Variants in ANOS1 observed in about 807,000 individuals in gnomAD.
ANOS1 encodes anosmin-1.
In ANOS1, 6 loss-of-function variants were observed where a neutral mutation model predicts 59.0. The ratio of observed to expected loss-of-function variants is 0.10; its 90% CI spans 0.06 to 0.20. The LOEUF is 0.20. Ranked by LOEUF, ANOS1 falls within the 10% of genes least tolerant of loss-of-function variation. The probability of loss-of-function intolerance (pLI) is 1.00; values close to 1 mark genes in which losing one functional copy is unlikely to be tolerated. For missense variants in ANOS1, 433 were observed against 542.3 expected (o/e 0.80, Z 2.00); for synonymous variants, 217 against 223.4 (o/e 0.97, Z 0.25).
At chrX:8,691,777 T>A (rs1021584868) in intron 2 of ANOS1, among the ~76,000 whole-genome samples, 1 of 112,322 alleles carries the variant, frequency 8.9e-6, no homozygotes, top group Admixed American at 9.4e-5. Context: ...AGAAAAATAA[T>A]CTTTACTTTT....
chrX:8,692,336 G>A (rs962136596), intron 2 of ANOS1, among the ~76,000 whole-genome samples: 14 of 111,628 alleles, frequency 1.3e-4, no homozygotes, highest in African/African-American at 4.6e-4. Flanking sequence ...AGTTGCAACA[G>A]ATACTTTATG....
chrX:8,621,140 C>A (rs1199558409), intron 3 of ANOS1, among the ~76,000 whole-genome samples: 1 of 110,797 alleles, frequency 9.0e-6, no homozygotes, highest in Non-Finnish European at 1.9e-5. Flanking sequence ...CCAAGGCAGG[C>A]GGATCACTTG....
intron 5 of ANOS1, 64 bp from the exon 6 acceptor site, chrX:8,585,460 T>G (rs1361220516): frequency 8.6e-7 from 1 of 1,160,562 alleles, no homozygotes; most frequent in African/African-American, 1.8e-5. Flanking sequence ...GTTAGTTGGA[T>G]CTGTTTAGAA....
intron 2 of ANOS1, among the ~76,000 whole-genome samples, chrX:8,688,069 T>C (rs1442903883): frequency 8.9e-6 from 1 of 111,944 alleles, no homozygotes; most frequent in Admixed American, 9.5e-5. Flanking sequence ...ACGTATAAGG[T>C]GGAGTCAAAA....
At chrX:8,691,800 A>G (rs1932612400) in intron 2 of ANOS1, among the ~76,000 whole-genome samples, 1 of 112,283 alleles carries the variant, frequency 8.9e-6, no homozygotes, top group Non-Finnish European at 1.9e-5. Flanking sequence ...CAATTTTCAA[A>G]TCTTTCACAA....
chrX:8,593,100 AATTC>A (rs1194334353), intron 4 of ANOS1, among the ~76,000 whole-genome samples: 8 of 112,345 alleles, frequency 7.1e-5, no homozygotes, highest in African/African-American at 2.6e-4. Context: ...TTTAAAAATT[AATTC>A]ATTAAGTAAT....
chrX:8,625,190 A>G (rs1931371164), intron 2 of ANOS1, among the ~76,000 whole-genome samples: 1 of 111,520 alleles, frequency 9.0e-6, no homozygotes, highest in South Asian at 3.8e-4. Context: ...GTTAGTAGCC[A>G]GGCCTCATGG....
At chrX:8,597,292 A>G (rs1162507383) in intron 3 of ANOS1, 36 bp from the exon 4 acceptor site, 2 of 1,101,430 alleles carry the variant, frequency 1.8e-6, no homozygotes, top group Admixed American at 4.7e-5. Flanking sequence ...ATATTCCATT[A>G]AAGACACATG....
At chrX:8,594,703 TATATATACAC>T (rs757966645) in intron 4 of ANOS1, among the ~76,000 whole-genome samples, 5,874 of 77,080 alleles carry the variant, frequency 0.076, 342 homozygotes, top group Admixed American at 0.12. Flanking sequence ...TATATACACA[TATATATACAC>T]ATATATATAT....
intron 4 of ANOS1, among the ~76,000 whole-genome samples, chrX:8,596,618 C>A (rs751968114): frequency 1.2e-4 from 13 of 111,832 alleles, no homozygotes; most frequent in Non-Finnish European, 2.3e-4. Flanking sequence ...TGGGTCATAT[C>A]GGCAGAAAAA....
chrX:8,619,331 CAA>C (rs1422766968), intron 3 of ANOS1, among the ~76,000 whole-genome samples: 29 of 110,924 alleles, frequency 2.6e-4, no homozygotes, highest in East Asian at 1.4e-3. Flanking sequence ...ATTGGCCGGG[CAA>C]GGTGGCTCAC....
intron 2 of ANOS1, among the ~76,000 whole-genome samples, chrX:8,637,737 T>C (rs1448997121): frequency 8.9e-6 from 1 of 112,386 alleles, no homozygotes; most frequent in African/African-American, 3.2e-5. Flanking sequence ...GCATTCAACA[T>C]CCATCACACC....
chrX:8,575,274 T>C (rs750047266), intron 6 of ANOS1, among the ~76,000 whole-genome samples: 18 of 112,205 alleles, frequency 1.6e-4, no homozygotes, highest in Non-Finnish European at 3.2e-4. Context: ...TTACCAACCT[T>C]TCTGGGAGGG....
chrX:8,664,133 T>C (rs938815245), intron 2 of ANOS1, among the ~76,000 whole-genome samples: 1 of 111,930 alleles, frequency 8.9e-6, no homozygotes, highest in African/African-American at 3.3e-5. Flanking sequence ...ATGGCACATG[T>C]TTACCTACGT....
chrX:8,664,124 T>C (rs1278542828), intron 2 of ANOS1, among the ~76,000 whole-genome samples: 1 of 112,047 alleles, frequency 8.9e-6, no homozygotes, highest in Non-Finnish European at 1.9e-5. Context: ...CAAACCATCA[T>C]GGCACATGTT....
At chrX:8,650,278 C>T (rs1931830064) in intron 2 of ANOS1, among the ~76,000 whole-genome samples, 1 of 112,419 alleles carries the variant, frequency 8.9e-6, no homozygotes, top group South Asian at 3.7e-4. Context: ...TGAGGAGATC[C>T]TGAAGCCTTC....
chrX:8,675,886 G>A (rs189020141), intron 2 of ANOS1, among the ~76,000 whole-genome samples: 87 of 80,379 alleles, frequency 1.1e-3, no homozygotes, highest in African/African-American at 4.1e-3. Flanking sequence ...AGGCCCCAGT[G>A]TGTGTTATTC....
chrX:8,585,193 C>G, intron 6 of ANOS1, 74 bp downstream of exon 6: 1 of 1,065,254 alleles, frequency 9.4e-7, no homozygotes, highest in Non-Finnish European at 1.3e-6. Context: ...AACATAGAGA[C>G]AGTGAATCTG....
chrX:8,569,522 G>A (rs918373339), intron 7 of ANOS1, among the ~76,000 whole-genome samples: 27 of 111,449 alleles, frequency 2.4e-4, no homozygotes, highest in African/African-American at 8.5e-4. Flanking sequence ...GGCGCCTGTA[G>A]TCCCAGCTAC....
Sources: allele counts gnomAD v4.1 joint callset (sites outside exome capture counted in the v4.1 genomes callset), GRCh38; gene constraint gnomAD v4.1.1; transcripts MANE v1.5; gene names NCBI Gene and HGNC (gene_info 2026-07-23, HGNC 2026-07-21).